The following WDR72 variants were observed in gnomAD, a reference collection of about 807,000 sequenced individuals.
WDR72 encodes WD repeat-containing protein 72.
In WDR72, 120 loss-of-function variants were observed where a neutral mutation model predicts 124.2. The observed-to-expected ratio is 0.97, with a 90% CI of 0.83 to 1.12. The LOEUF (loss-of-function observed/expected upper bound fraction) is 1.12, where lower values mean the gene tolerates loss of function less well. WDR72 is among the 50% of genes most tolerant of loss of function. The pLI is 0.00. For missense variants in WDR72, 1,387 were observed against 1,278.8 expected (o/e 1.08, Z -1.29); for synonymous variants, 452 against 441.7 (o/e 1.02, Z -0.29).
intron 18 of WDR72, among the ~76,000 whole-genome samples, chr15:53,594,313 A>T (rs542919832): frequency 6.6e-6 from 1 of 151,526 alleles, no homozygotes; most frequent in African/African-American, 2.4e-5. Context: ...AGAAAAAAAG[A>T]AATTAAGAAA....
chr15:53,650,410 G>C (rs1443174500), intron 14 of WDR72, among the ~76,000 whole-genome samples: 1 of 152,158 alleles, frequency 6.6e-6, no homozygotes, highest in Non-Finnish European at 1.5e-5. Flanking sequence ...TAAGAGGGCA[G>C]ATGTCATGTT....
chr15:53,750,651 G>C (rs1341938782), intron 1 of WDR72, among the ~76,000 whole-genome samples: 1 of 152,144 alleles, frequency 6.6e-6, no homozygotes, highest in Non-Finnish European at 1.5e-5. Context: ...TTCTGGAAAA[G>C]GTTCACCACT....
At chr15:53,706,807 G>C (rs2017393291) in intron 9 of WDR72, among the ~76,000 whole-genome samples, 1 of 151,768 alleles carries the variant, frequency 6.6e-6, no homozygotes, top group South Asian at 2.1e-4. Context: ...ATTTATAATG[G>C]TGTGTATATA....
chr15:53,760,551 T>C (rs189298823), upstream of WDR72, among the ~76,000 whole-genome samples: 87 of 152,340 alleles, frequency 5.7e-4, 1 homozygote, highest in African/African-American at 1.9e-3. Context: ...ACCGTGTATA[T>C]GTACCACATT....
chr15:53,557,218 C>T (rs972254353), intron 18 of WDR72, among the ~76,000 whole-genome samples: 5 of 152,076 alleles, frequency 3.3e-5, no homozygotes, highest in Non-Finnish European at 7.4e-5. Context: ...TGTCATTATA[C>T]TTAGCTTTCT....
chr15:53,635,818 G>A (rs187761141), intron 14 of WDR72, among the ~76,000 whole-genome samples: 404 of 152,086 alleles, frequency 2.7e-3, no homozygotes, highest in Non-Finnish European at 4.2e-3. Context: ...GCAAACCTGT[G>A]CGTGTACCCC....
At chr15:53,573,800 C>T (rs1001619558) in intron 18 of WDR72, among the ~76,000 whole-genome samples, 2 of 152,212 alleles carry the variant, frequency 1.3e-5, no homozygotes, top group Non-Finnish European at 2.9e-5. Flanking sequence ...CTGGCCTTGG[C>T]CTCCCAAAGT....
chr15:53,584,257 T>C (rs1354641696), intron 18 of WDR72, among the ~76,000 whole-genome samples: 1 of 151,992 alleles, frequency 6.6e-6, no homozygotes, highest in Non-Finnish European at 1.5e-5. Flanking sequence ...ATTGAGATAA[T>C]GACCAACCAT....
rs1480992898 is a variant in WDR72 at position 53,531,782 on chromosome 15, AG to A, written c.3149-8461del. ...GGAGAGCTAAGAAATAGGAAACAAAAGGTTAAGAGATGAATAGATATTTCTA... is the reference window on the plus strand; with the variant it reads ...GGAGAGCTAAGAAATAGGAAACAAAAGTTAAGAGATGAATAGATATTTCTA... On this transcript the variant is annotated intron_variant, in intron 18 of 19. Transcript: ENST00000360509. 1.0e-4 allele frequency among the ~76,000 whole-genome samples: 5 copies of A among 49,950 alleles called. No individual in the cohort carries two copies. The Admixed American group carries it at 1.3e-3, about 13-fold the overall frequency. The allele number at this position is 49,950 out of a possible 152,430, so 32.8% of individuals were successfully genotyped here.
intron 13 of WDR72, among the ~76,000 whole-genome samples, chr15:53,672,109 C>T (rs1252697718): frequency 6.6e-6 from 1 of 152,090 alleles, no homozygotes; most frequent in African/African-American, 2.4e-5. Flanking sequence ...ATAAACACCA[C>T]TTTCTGATAA....
chr15:53,675,447 G>A (rs1027604135), intron 13 of WDR72, among the ~76,000 whole-genome samples: 1 of 151,894 alleles, frequency 6.6e-6, no homozygotes, highest in African/African-American at 2.4e-5. Flanking sequence ...TCACAGCCAA[G>A]TGTTTCTTAA....
At position 53,646,228 on chromosome 15, in the gene WDR72, A is replaced by G. The variant is rs532344274; in HGVS notation, c.1962+19344T>C. 1.8e-4 allele frequency among the ~76,000 whole-genome samples: 27 copies of G among 152,262 alleles called. No individual in the cohort carries two copies. In the East Asian group the frequency reaches 5.2e-3, roughly 29 times the overall value. On this transcript the variant is annotated intron_variant, in intron 14 of 19. Transcript: ENST00000360509. ...TCAAAAAACTTCTGATGTATACAAC[A>G]AAGGAAAAACAACCAAAGTCCTAAT...
chr15:53,548,491 T>G (rs150861272), intron 18 of WDR72, among the ~76,000 whole-genome samples: 1 of 152,274 alleles, frequency 6.6e-6, no homozygotes, highest in African/African-American at 2.4e-5. Flanking sequence ...AGAGAGTTAG[T>G]TGCCAAAAGG....
At chr15:53,755,761 A>C (rs1020780043) in intron 1 of WDR72, among the ~76,000 whole-genome samples, 35 of 152,348 alleles carry the variant, frequency 2.3e-4, no homozygotes, top group African/African-American at 8.4e-4. Context: ...TAGAGAGCGC[A>C]GCAGAGGCTG....
Position 53,632,683 on chromosome 15 carries a change from G to A in WDR72, c.1963-16440C>T, listed in dbSNP as rs538317134. ...CCCTGGGAAGCCACAGGGGTGAAGC[G>A]GCCCATGGTCTTCAGAGCCCACCCC... is the stretch of plus-strand genomic sequence containing the variant. On this transcript the variant is annotated intron_variant, in intron 14 of 19. Coordinates refer to ENST00000360509, the MANE Select transcript of WDR72 (RefSeq NM_182758.4). Among the ~76,000 whole-genome samples, 10 of 152,352 alleles carry A rather than the reference G, an allele frequency of 6.6e-5. No individual in the cohort carries two copies. The East Asian group carries it at 7.7e-4, about 12-fold the overall frequency.
chr15:53,689,455 A>G lies in WDR72; in HGVS notation c.1765+10295T>C, dbSNP rs545050701. On this transcript the variant is annotated intron_variant, in intron 13 of 19. Coordinates refer to ENST00000360509, the MANE Select transcript of WDR72 (RefSeq NM_182758.4). ...GAAGACATTTATGCAGCCAAAAAAC[A>G]CATGAAAAAATGCTCATCATCTCTG... is the stretch of plus-strand genomic sequence containing the variant. Among the ~76,000 whole-genome samples, 818 of 149,626 alleles carry G rather than the reference A, an allele frequency of 5.5e-3. 7 individuals are homozygous for G. Among genetic ancestry groups the G allele is most frequent in the Middle Eastern group, 0.02 (6 of 294 alleles).
At chr15:53,695,216 A>G (rs958959198) in intron 13 of WDR72, among the ~76,000 whole-genome samples, 1 of 152,236 alleles carries the variant, frequency 6.6e-6, no homozygotes, top group Admixed American at 6.5e-5. Flanking sequence ...ACTTAACAGA[A>G]GACCTTCAAC....
intron 6 of WDR72, among the ~76,000 whole-genome samples, chr15:53,713,447 T>TATTTC (rs2017611682): frequency 2.7e-5 from 4 of 150,668 alleles, no homozygotes; most frequent in African/African-American, 9.8e-5. Context: ...TATTTTATTT[T>TATTTC]ATTTTATTTT....
At chr15:53,679,108 TAA>T (rs1323779822) in intron 13 of WDR72, among the ~76,000 whole-genome samples, 3 of 152,192 alleles carry the variant, frequency 2.0e-5, no homozygotes, top group African/African-American at 7.2e-5. Context: ...CCAGAACAGG[TAA>T]ATTCACAGAA....
Sources: allele counts gnomAD v4.1 joint callset (sites outside exome capture counted in the v4.1 genomes callset), GRCh38; gene constraint gnomAD v4.1.1; transcripts MANE v1.5; gene names NCBI Gene and HGNC (gene_info 2026-07-23, HGNC 2026-07-21).